SH3BGRL: variants seen among roughly 807,000 people sequenced by gnomAD.
SH3BGRL encodes the protein SH3 domain binding glutamate rich protein like.
In SH3BGRL, 7 loss-of-function variants were observed where a neutral mutation model predicts 9.8. That is an observed-to-expected ratio of 0.72 (90% confidence interval 0.41 to 1.35). SH3BGRL has a LOEUF of 1.35. Ranked by LOEUF, SH3BGRL falls within the 40% of genes most tolerant of loss-of-function variation. SH3BGRL has a pLI of 0.01. For synonymous variants in SH3BGRL, 36 were observed against 29.1 expected (o/e 1.24, Z -0.76); for missense variants, 73 against 84.4 (o/e 0.86, Z 0.53).
chrX:81,215,512 C>T (rs1216898448), intron 1 of SH3BGRL, among the ~76,000 whole-genome samples: 1 of 111,100 alleles, frequency 9.0e-6, no homozygotes, highest in African/African-American at 3.3e-5. Flanking sequence ...CAGCCTCCTC[C>T]CTGAGCCAGA....
At chrX:81,254,548 A>G (rs111642861) in intron 1 of SH3BGRL, among the ~76,000 whole-genome samples, 2,004 of 112,224 alleles carry the variant, frequency 0.018, 37 homozygotes, top group African/African-American at 0.057. Context: ...TTTACCAACT[A>G]TAGAGGAAAA....
chrX:81,290,495 G>A (rs892174113), intron 3 of SH3BGRL, among the ~76,000 whole-genome samples: 4 of 111,223 alleles, frequency 3.6e-5, no homozygotes, highest in South Asian at 3.8e-4. Flanking sequence ...CGATCACCAC[G>A]TTCTCACTTA....
intron 1 of SH3BGRL, among the ~76,000 whole-genome samples, chrX:81,212,138 A>AATCCT (rs1199043099): frequency 2.7e-5 from 3 of 111,240 alleles, no homozygotes; most frequent in African/African-American, 9.8e-5. Context: ...TCATGTCTGT[A>AATCCT]ATCCTAGTAA....
At chrX:81,213,101 CA>C (rs757882135) in intron 1 of SH3BGRL, among the ~76,000 whole-genome samples, 1 of 111,819 alleles carries the variant, frequency 8.9e-6, no homozygotes, top group East Asian at 2.8e-4. Context: ...GCTATTAGCA[CA>C]AAAAATGAGA....
rs866282633 is a variant in SH3BGRL at position 81,278,229 on chromosome X, T to G, written c.232-102T>G. The G allele has an allele frequency of 2.1e-4, 116 of 558,553 alleles. No homozygotes were observed. The Middle Eastern group carries it at 5.6e-3, about 27-fold the overall frequency. The allele number at this position is 558,553 out of a possible 1,213,427, so 46.0% of individuals were successfully genotyped here. ...CCGCCCACCTCGGCCTCCCAAAGTG[T>G]TGGGATTACAGGCGTGAGCCACTGC... On this transcript the variant is annotated intron_variant, in intron 2 of 3. Coordinates refer to ENST00000373212, the MANE Select transcript of SH3BGRL (RefSeq NM_003022.3).
At chrX:81,256,554 T>A in intron 1 of SH3BGRL, among the ~76,000 whole-genome samples, 1 of 111,751 alleles carries the variant, frequency 8.9e-6, no homozygotes, top group Non-Finnish European at 1.9e-5. Context: ...AGGGAGAAAT[T>A]TACAGTTTCC....
intron 1 of SH3BGRL, among the ~76,000 whole-genome samples, chrX:81,260,531 T>C (rs1203622575): frequency 1.8e-5 from 2 of 110,914 alleles, no homozygotes; most frequent in Non-Finnish European, 3.8e-5. Context: ...TTAATACATA[T>C]AGAATTCCAT....
chrX:81,252,679 A>G (rs773016650), intron 1 of SH3BGRL, among the ~76,000 whole-genome samples: 1 of 112,253 alleles, frequency 8.9e-6, no homozygotes, highest in South Asian at 3.7e-4. Context: ...TTTGTGTTGG[A>G]CCACATTCAA....
intron 1 of SH3BGRL, among the ~76,000 whole-genome samples, chrX:81,246,100 G>A (rs138889233): frequency 0.011 from 1,272 of 111,173 alleles, 19 homozygotes; most frequent in African/African-American, 0.039. Flanking sequence ...TGTATTGGCC[G>A]TTTGTATATC....
intron 1 of SH3BGRL, among the ~76,000 whole-genome samples, chrX:81,204,134 T>G (rs1330342296): frequency 8.9e-6 from 1 of 112,228 alleles, no homozygotes; most frequent in Non-Finnish European, 1.9e-5. Context: ...TTTATGGTAT[T>G]TGTATTTTAT....
chrX:81,274,498 C>A (rs2075791650), intron 1 of SH3BGRL, among the ~76,000 whole-genome samples: 1 of 110,247 alleles, frequency 9.1e-6, no homozygotes, highest in Non-Finnish European at 1.9e-5. Context: ...GTAATCCCAG[C>A]TACTCAGGAG....
intron 1 of SH3BGRL, among the ~76,000 whole-genome samples, chrX:81,203,210 G>C (rs1359871222): frequency 1.8e-5 from 2 of 111,983 alleles, no homozygotes; most frequent in Non-Finnish European, 3.8e-5. Context: ...ACAGATGTGT[G>C]GGTTCAGATT....
At chrX:81,276,714 C>T (rs1266734921) in intron 1 of SH3BGRL, among the ~76,000 whole-genome samples, 1 of 110,512 alleles carries the variant, frequency 9.0e-6, no homozygotes, top group Non-Finnish European at 1.9e-5. Flanking sequence ...TATTGATATG[C>T]ATCAGTTAGT....
intron 3 of SH3BGRL, among the ~76,000 whole-genome samples, chrX:81,281,966 A>G (rs1439279598): frequency 8.9e-6 from 1 of 111,817 alleles, no homozygotes; most frequent in Admixed American, 9.5e-5. Context: ...AAGGAGGCAC[A>G]TAAAGTAAAG....
chrX:81,253,159 C>T (rs1462845774), intron 1 of SH3BGRL, among the ~76,000 whole-genome samples: 1 of 111,437 alleles, frequency 9.0e-6, no homozygotes, highest in Non-Finnish European at 1.9e-5. Context: ...GTTTACTTTT[C>T]GTCTTTTGGT....
At chrX:81,285,011 G>A (rs1227500525) in intron 3 of SH3BGRL, among the ~76,000 whole-genome samples, 1 of 111,033 alleles carries the variant, frequency 9.0e-6, no homozygotes, top group Non-Finnish European at 1.9e-5. Flanking sequence ...ACAAGAATAG[G>A]TGTGGTATTG....
chrX:81,221,072 G>T (rs2075598718), intron 1 of SH3BGRL, among the ~76,000 whole-genome samples: 1 of 111,609 alleles, frequency 9.0e-6, no homozygotes, highest in African/African-American at 3.3e-5. Flanking sequence ...GTGCTGAGGA[G>T]AAGAATGTGT....
At chrX:81,232,257 G>A (rs1267950172) in intron 1 of SH3BGRL, among the ~76,000 whole-genome samples, 2 of 110,810 alleles carry the variant, frequency 1.8e-5, no homozygotes, top group Non-Finnish European at 3.8e-5. Flanking sequence ...AATTCTCTCT[G>A]AAATTTAGAT....
At chrX:81,225,586 T>C (rs2075614306) in intron 1 of SH3BGRL, among the ~76,000 whole-genome samples, 1 of 111,819 alleles carries the variant, frequency 8.9e-6, no homozygotes, top group South Asian at 3.7e-4. Context: ...GGACATGATT[T>C]CATTCTTTTT....
Sources: allele counts gnomAD v4.1 joint callset (sites outside exome capture counted in the v4.1 genomes callset), GRCh38; gene constraint gnomAD v4.1.1; transcripts MANE v1.5; gene names NCBI Gene and HGNC (gene_info 2026-07-23, HGNC 2026-07-21).